The following SLC25A13 variants were observed in gnomAD, a reference collection of about 807,000 sequenced individuals.
The protein encoded by SLC25A13 is electrogenic aspartate/glutamate antiporter SLC25A13, mitochondrial.
A neutral mutation model predicts 85.5 loss-of-function variants in SLC25A13; 70 were observed. The ratio of observed to expected loss-of-function variants is 0.82; its 90% CI spans 0.68 to 1.00. The LOEUF (loss-of-function observed/expected upper bound fraction) is 1.00. SLC25A13 is among the 50% of genes least tolerant of loss of function. SLC25A13 has a pLI of 0.00. For synonymous variants in SLC25A13, 259 were observed against 288.7 expected (o/e 0.90, Z 1.04); for missense variants, 765 against 819.8 (o/e 0.93, Z 0.82).
At chr7:96,217,413 C>T (rs1432414840) in intron 4 of SLC25A13, among the ~76,000 whole-genome samples, 2 of 152,118 alleles carry the variant, frequency 1.3e-5, no homozygotes, top group East Asian at 3.8e-4. Context: ...AAACATATGC[C>T]CATACAAACT....
chr7:96,227,119 C>G (rs1410902859), intron 4 of SLC25A13, among the ~76,000 whole-genome samples: 3 of 152,184 alleles, frequency 2.0e-5, no homozygotes, highest in African/African-American at 7.2e-5. Context: ...CTACTACCTT[C>G]CTTCTGAGGT....
chr7:96,234,617 GT>G (rs1796675031), intron 4 of SLC25A13, among the ~76,000 whole-genome samples, 184 bp downstream of exon 4: 1 of 151,790 alleles, frequency 6.6e-6, no homozygotes, highest in African/African-American at 2.4e-5. Flanking sequence ...CCAGAAACTT[GT>G]TTTTTTCGAA....
chr7:96,154,948 G>A (rs183486440), intron 13 of SLC25A13, among the ~76,000 whole-genome samples: 5 of 152,074 alleles, frequency 3.3e-5, no homozygotes, highest in Admixed American at 6.5e-5. Context: ...ACAGGTGTAC[G>A]CCACCATACC....
intron 4 of SLC25A13, among the ~76,000 whole-genome samples, chr7:96,218,477 C>T (rs1441896032): frequency 6.6e-6 from 1 of 152,104 alleles, no homozygotes; most frequent in East Asian, 1.9e-4. Flanking sequence ...GACTCTTATT[C>T]CTTAACCTCC....
chr7:96,139,707 T>C (rs940919723), intron 14 of SLC25A13, among the ~76,000 whole-genome samples: 7 of 152,226 alleles, frequency 4.6e-5, no homozygotes, highest in South Asian at 4.1e-4. Flanking sequence ...CTCATATGAA[T>C]AGAATCATGC....
chr7:96,252,551 C>A (rs755379996), intron 3 of SLC25A13, among the ~76,000 whole-genome samples: 49 of 152,058 alleles, frequency 3.2e-4, no homozygotes, highest in Admixed American at 5.2e-4. Context: ...GTATTTAGCA[C>A]CATGAGATGG....
At chr7:96,222,353 A>G (rs1796165961) in intron 4 of SLC25A13, among the ~76,000 whole-genome samples, 1 of 152,266 alleles carries the variant, frequency 6.6e-6, no homozygotes, top group Admixed American at 6.5e-5. Flanking sequence ...GGTGTAGACT[A>G]GTTTCTTCCA....
chr7:96,263,262 C>T (rs1345587984), intron 3 of SLC25A13, among the ~76,000 whole-genome samples: 1 of 152,140 alleles, frequency 6.6e-6, no homozygotes, highest in Non-Finnish European at 1.5e-5. Flanking sequence ...TTACCACTCA[C>T]GTCTAATCCC....
intron 9 of SLC25A13, among the ~76,000 whole-genome samples, chr7:96,188,045 G>T (rs951957966): frequency 6.6e-6 from 1 of 152,184 alleles, no homozygotes; most frequent in Admixed American, 6.5e-5. Context: ...ATTGTGGGAA[G>T]CCGCTGCCAG....
At chr7:96,241,890 C>A (rs1797011647) in intron 3 of SLC25A13, among the ~76,000 whole-genome samples, 2 of 152,162 alleles carry the variant, frequency 1.3e-5, no homozygotes. Context: ...TCCTCTCTGT[C>A]CTCGCTTATT....
chr7:96,287,587 G>T (rs1275340743), intron 2 of SLC25A13, among the ~76,000 whole-genome samples: 1 of 152,156 alleles, frequency 6.6e-6, no homozygotes, highest in African/African-American at 2.4e-5. Context: ...GGATGTAGCA[G>T]CTGACAAAGA....
chr7:96,135,347 G>A (rs1792231625), intron 14 of SLC25A13, among the ~76,000 whole-genome samples: 1 of 152,122 alleles, frequency 6.6e-6, no homozygotes, highest in South Asian at 2.1e-4. Flanking sequence ...AGGCATCAAA[G>A]CCCAATTCCC....
intron 16 of SLC25A13, 23 bp from the exon 17 acceptor site, chr7:96,121,768 C>G: frequency 6.2e-7 from 1 of 1,613,674 alleles, no homozygotes; most frequent in Non-Finnish European, 8.5e-7. Context: ...GGAGAAATCA[C>G]AGATATAATT....
chr7:96,171,663 A>G, intron 11 of SLC25A13, 139 bp from the exon 12 acceptor site: 1 of 726,408 alleles, frequency 1.4e-6, no homozygotes, highest in South Asian at 1.6e-5. Context: ...TAATGAGAAT[A>G]TTTGAAATGG....
chr7:96,284,169 A>T (rs1285788171), intron 2 of SLC25A13, among the ~76,000 whole-genome samples: 2 of 152,142 alleles, frequency 1.3e-5, no homozygotes. Flanking sequence ...CAGGTAAGGG[A>T]AAAAACTAGA....
Position 96,261,800 on chromosome 7 carries a change from A to T in SLC25A13, c.212+15396T>A, listed in dbSNP as rs142333568. On this transcript the variant is annotated intron_variant, in intron 3 of 17. Coordinates refer to ENST00000265631, the MANE Select transcript of SLC25A13 (RefSeq NM_014251.3). ...CTTCCTCACTGTTGTGGGATTTGGA[A>T]GTCCAAGATCAAGGCACTGACATTG... is the stretch of plus-strand genomic sequence containing the variant. 2.8e-4 allele frequency among the ~76,000 whole-genome samples: 42 copies of T among 152,304 alleles called. 3 individuals are homozygous for T. The East Asian group carries it at 7.7e-3, about 28-fold the overall frequency.
chr7:96,293,852 C>T (rs1799230298), intron 2 of SLC25A13, among the ~76,000 whole-genome samples: 1 of 152,128 alleles, frequency 6.6e-6, no homozygotes, highest in South Asian at 2.1e-4. Flanking sequence ...CTAGTTCAAC[C>T]ATTGTGGAAG....
chr7:96,269,976 G>A (rs1333046845), intron 3 of SLC25A13, among the ~76,000 whole-genome samples: 1 of 152,158 alleles, frequency 6.6e-6, no homozygotes, highest in African/African-American at 2.4e-5. Context: ...GGGACAGTAT[G>A]GGGAAAGGCC....
At chr7:96,301,825 A>C (rs553177223) in intron 1 of SLC25A13, among the ~76,000 whole-genome samples, 1 of 152,160 alleles carries the variant, frequency 6.6e-6, no homozygotes, top group Admixed American at 6.5e-5. Context: ...AGACAGTCTC[A>C]CTATGTTGCT....
Sources: allele counts gnomAD v4.1 joint callset (sites outside exome capture counted in the v4.1 genomes callset), GRCh38; gene constraint gnomAD v4.1.1; transcripts MANE v1.5; gene names NCBI Gene and HGNC (gene_info 2026-07-23, HGNC 2026-07-21).